Variants in SLC5A10 observed in about 807,000 individuals in gnomAD.
SLC5A10 encodes the protein solute carrier family 5 member 10, also known as sodium/mannose cotransporter SLC5A10.
SLC5A10 carries 55 observed loss-of-function variants against 68.9 expected under a neutral mutation model. That is an observed-to-expected ratio of 0.80 (90% CI 0.64 to 1.00). The LOEUF is 1.00. SLC5A10 is among the 50% of genes least tolerant of loss of function. The probability of loss-of-function intolerance (pLI) is 0.00; values close to 1 mark genes in which losing one functional copy is unlikely to be tolerated. For synonymous variants in SLC5A10, 344 were observed against 344.8 expected, an observed-to-expected ratio of 1.00 and a Z score of 0.02; for missense variants, 732 against 819.3, an observed-to-expected ratio of 0.89 and a Z score of 1.30.
chr17:19,004,415 A>G lies in SLC5A10; in HGVS notation c.983-8995A>G, dbSNP rs1228060714. On this transcript the variant is annotated intron_variant, in intron 9 of 14. Transcript: ENST00000395645. This position sits in a 1 kb window ranked among gnomAD's most constrained non-coding sequence, Gnocchi z 5.4. The stretch of plus-strand genomic sequence containing the variant: ...TCTACGTGCAGGGAACCCATATCCC[A>G]GATTTCCGGAGCTGCCTGAAGTCCT... 6.6e-6 allele frequency among the ~76,000 whole-genome samples: 1 copy of G among 152,130 alleles called. No homozygotes were observed. Among genetic ancestry groups the G allele is most frequent in the East Asian group, 1.9e-4 (1 of 5,176 alleles).
chr17:18,979,809 G>A, intron 9 of SLC5A10: 1 of 965,624 alleles, frequency 1.0e-6, no homozygotes, highest in Non-Finnish European at 1.6e-6. Flanking sequence ...TGTAAGGCCT[G>A]GAGAAAGGGG....
At chr17:19,013,361 G>A (rs1159926785) in intron 9 of SLC5A10, 49 bp from the exon 10 acceptor site, 1 of 1,599,992 alleles carries the variant, frequency 6.3e-7, no homozygotes, top group Non-Finnish European at 8.5e-7. Flanking sequence ...GCCCACCCCA[G>A]GTGCTCATGT....
intron 9 of SLC5A10, among the ~76,000 whole-genome samples, chr17:18,984,312 G>A (rs981144411): frequency 7.5e-6 from 1 of 132,772 alleles, no homozygotes; most frequent in Non-Finnish European, 1.5e-5. Context: ...CAGCCTGGGC[G>A]ACAGAGCAAG....
At chr17:18,988,536 C>T in intron 9 of SLC5A10, 1 of 1,477,310 alleles carries the variant, frequency 6.8e-7, no homozygotes, top group Non-Finnish European at 9.1e-7. Context: ...TCTGGCCCTA[C>T]TCCTGGAGCC....
rs2042548702 is a variant in SLC5A10, at chr17:18,958,578, G to C, written c.112-104G>C. The C allele has an allele frequency of 2.8e-5, 25 of 898,876 alleles. 1 individual carries two copies. In the East Asian group the frequency reaches 6.0e-4, roughly 22 times the overall value. The allele number at this position is 898,876 out of a possible 1,614,324, so 55.7% of individuals were successfully genotyped here. A position where few individuals can be genotyped will look rare whatever the true frequency, so the allele number is the denominator to read the frequency against. ...GAGTGGAACTTCTGGGTCATATGGT[G>C]ATTCTATGCGTAACCTTTTGAGGAG... On this transcript the variant is annotated intron_variant, in intron 1 of 14. Coordinates refer to ENST00000395645, the MANE Select transcript of SLC5A10 (RefSeq NM_001042450.4).
chr17:19,001,072 C>T (rs2043717835), intron 9 of SLC5A10, among the ~76,000 whole-genome samples: 1 of 152,206 alleles, frequency 6.6e-6, no homozygotes, highest in East Asian at 1.9e-4. Context: ...GCTAGGTGAC[C>T]TTGGGCAGCG....
intron 9 of SLC5A10, among the ~76,000 whole-genome samples, chr17:18,993,722 G>A (rs1413036205): frequency 6.6e-6 from 1 of 152,154 alleles, no homozygotes; most frequent in Non-Finnish European, 1.5e-5. Context: ...CTCATCTTGG[G>A]GTTCGTTATT....
intron 3 of SLC5A10, 59 bp downstream of exon 3, chr17:18,959,298 C>A: frequency 6.5e-7 from 1 of 1,545,920 alleles, no homozygotes; most frequent in Non-Finnish European, 8.9e-7. Flanking sequence ...GTGGTCGCAG[C>A]ACTGGAGGGG....
In SLC5A10 at chr17:18,977,009, C is replaced by T. The variant is rs373153498; in HGVS notation, c.982+20C>T. The T allele has an allele frequency of 2.3e-5, 37 of 1,609,602 alleles. No individual in the cohort carries two copies. The highest frequency in any genetic ancestry group is 1.6e-4 in the Middle Eastern group (1 of 6,080). On this transcript the variant is annotated intron_variant, in intron 9 of 14. Transcript: ENST00000395645. Reference sequence around the variant, plus strand: ...TCCCAGGTAGGACGGGCTCCGGGCACTGAACCCAGGCTGCAGGGCACCCAG... The same window carrying T: ...TCCCAGGTAGGACGGGCTCCGGGCATTGAACCCAGGCTGCAGGGCACCCAG...
At chr17:18,951,715 C>T (rs911581116), upstream of SLC5A10, 2 of 154,672 alleles carry the variant, frequency 1.3e-5, no homozygotes, top group African/African-American at 2.4e-5. Context: ...GTGTCCCCCT[C>T]CCAAGCCCTG....
At position 19,017,300 on chromosome 17, in the gene SLC5A10, AC is replaced by A. The variant is rs1567815857; in HGVS notation, c.1241+2102del. The A allele has an allele frequency of 4.5e-6, 7 of 1,551,544 alleles. No homozygotes were observed. In the Admixed American group the frequency reaches 1.4e-4, roughly 30 times the overall value. ...CTCTTACAGCACTGGGATACCCTCA[AC>A]ACCCCCAGCCCCTCAAAGCCGTCTC... On this transcript the variant is annotated intron_variant, in intron 11 of 14. Transcript: ENST00000395645. This position sits in a 1 kb window ranked among gnomAD's most constrained non-coding sequence, Gnocchi z 5.6.
At position 19,013,433 on chromosome 17, in the gene SLC5A10, T is replaced by C. The variant is rs1301541778; in HGVS notation, c.1006T>C (p.Ser336Pro). 1 of 1,605,518 alleles carries C rather than the reference T, an allele frequency of 6.2e-7. No homozygotes were observed. The highest frequency in any genetic ancestry group is 1.7e-5 in the Admixed American group (1 of 59,152). The change falls in exon 10 of 15, where the codon TCC becomes CCC. Residue 336 changes from serine (S) to proline (P), a missense_variant. Transcript: ENST00000395645. ...FPDDVGCVVP[S>P]ECLRACGAEV... ...AGATGATGTGGGCTGCGTGGTGCCG[T>C]CCGAGTGCCTGCGGGCCTGCGGGGC...
chr17:18,979,707 C>A (rs1567792227), intron 9 of SLC5A10: 1 of 1,611,090 alleles, frequency 6.2e-7, no homozygotes, highest in South Asian at 1.1e-5. Context: ...AATTACACGA[C>A]TGCAACCCTG....
At chr17:18,988,225 G>A in intron 9 of SLC5A10, 5 of 1,601,282 alleles carry the variant, frequency 3.1e-6, no homozygotes, top group Non-Finnish European at 4.3e-6. Flanking sequence ...CAGCCACCCA[G>A]GCAAGTGAGG....
At chr17:18,982,621 A>T (rs1467123312) in intron 9 of SLC5A10, among the ~76,000 whole-genome samples, 2 of 152,154 alleles carry the variant, frequency 1.3e-5, no homozygotes, top group African/African-American at 4.8e-5. Flanking sequence ...ATCTGCTCTC[A>T]GCGGGTGGCA....
In SLC5A10 at chr17:18,957,870, A is replaced by G. The variant is rs544355076; in HGVS notation, c.112-812A>G. 1.6e-4 allele frequency among the ~76,000 whole-genome samples: 25 copies of G among 152,306 alleles called. 1 individual carries two copies. The highest frequency in any genetic ancestry group is 1.4e-3 in the Admixed American group (21 of 15,298). On this transcript the variant is annotated intron_variant, in intron 1 of 14. Coordinates refer to ENST00000395645, the MANE Select transcript of SLC5A10 (RefSeq NM_001042450.4). ...AAAACATTTTCATCCTGTCCCCATCAAAGTCAAGCACCGTTCTTCCTGCCT... is the reference window on the plus strand; with the variant it reads ...AAAACATTTTCATCCTGTCCCCATCGAAGTCAAGCACCGTTCTTCCTGCCT...
Position 19,003,627 on chromosome 17 carries a change from T to C in SLC5A10, c.983-9783T>C. The C allele has an allele frequency of 6.2e-7, 1 of 1,612,278 alleles. No individual in the cohort carries two copies. The highest frequency in any genetic ancestry group is 8.5e-7 in the Non-Finnish European group (1 of 1,179,470). ...GCCCGGGTCACGCCGCGGTAGGCGA[T>C]GGTGTCGGGCCAGCCCAGGTCCAGC... is the stretch of plus-strand genomic sequence containing the variant. On this transcript the variant is annotated intron_variant, in intron 9 of 14. Coordinates refer to ENST00000395645, the MANE Select transcript of SLC5A10 (RefSeq NM_001042450.4). The surrounding 1 kb of genome is among the most constrained non-coding windows in gnomAD (Gnocchi z 4.5).
chr17:19,005,093 C>T (rs1489493041), intron 9 of SLC5A10, among the ~76,000 whole-genome samples: 1 of 152,156 alleles, frequency 6.6e-6, no homozygotes, highest in Admixed American at 6.5e-5. Context: ...CCAGTTTCGC[C>T]GGCGTGGCGG....
At position 19,021,637 on chromosome 17, in the gene SLC5A10, A is replaced by C. The variant is rs1163334999; in HGVS notation, c.*1206A>C. On this transcript the variant is annotated 3_prime_UTR_variant, in exon 15 of 15. Transcript: ENST00000395645. The surrounding 1 kb of genome is among the most constrained non-coding windows in gnomAD (Gnocchi z 4.1). The stretch of plus-strand genomic sequence containing the variant: ...CAGTGGGTGAAACCTGGGAGTCCTC[A>C]ACCTTCCTGGCAGATGGGGCCATTG... 1 of 395,696 alleles carries C rather than the reference A, an allele frequency of 2.5e-6. No individual in the cohort carries two copies. Among genetic ancestry groups the C allele is most frequent in the Non-Finnish European group, 4.5e-6 (1 of 224,706 alleles). The allele number at this position is 395,696 out of a possible 1,614,324, so 24.5% of individuals were successfully genotyped here. A position where few individuals can be genotyped will look rare whatever the true frequency, so the allele number is the denominator to read the frequency against.
Sources: gnomAD v4.1 joint callset for allele counts (sites outside exome capture counted in the v4.1 genomes callset) on GRCh38, gnomAD v4.1.1 for gene constraint, Gnocchi (gnomAD v3.1) non-coding constraint, MANE v1.5 for transcripts, NCBI Gene and HGNC (gene_info 2026-07-23, HGNC 2026-07-21) for gene names.